The following POLH variants were observed in gnomAD, a reference collection of about 807,000 sequenced individuals.
The protein encoded by POLH is DNA polymerase eta transcript.
In POLH, 53 loss-of-function variants were observed where a neutral mutation model predicts 73.6. The ratio of observed to expected loss-of-function variants is 0.72; its 90% CI spans 0.58 to 0.91. POLH has a LOEUF of 0.91. Among genes scored for constraint, POLH ranks in the 40% least tolerant of loss-of-function variants. POLH has a pLI of 0.00. For missense variants in POLH, 768 were observed against 865.4 expected, an observed-to-expected ratio of 0.89 and a Z score of 1.41; for synonymous variants, 292 against 308.5, an observed-to-expected ratio of 0.95 and a Z score of 0.56.
intron 1 of POLH, among the ~76,000 whole-genome samples, chr6:43,579,384 C>T (rs553448098): frequency 6.6e-6 from 1 of 152,310 alleles, no homozygotes; most frequent in African/African-American, 2.4e-5. Flanking sequence ...AGTCACATTT[C>T]TACACGGATG....
At chr6:43,596,451 C>G (rs976714749) in intron 4 of POLH, among the ~76,000 whole-genome samples, 1 of 152,216 alleles carries the variant, frequency 6.6e-6, no homozygotes, top group Non-Finnish European at 1.5e-5. Context: ...CCACTGCACT[C>G]CAGCCTGGGT....
intron 1 of POLH, among the ~76,000 whole-genome samples, chr6:43,577,749 T>C (rs1210063756): frequency 6.6e-6 from 1 of 152,218 alleles, no homozygotes; most frequent in Non-Finnish European, 1.5e-5. Context: ...ATTTAGGTCT[T>C]GGCTCCCAAA....
chr6:43,610,356 T>TGCCTG (rs1767769024), intron 9 of POLH, among the ~76,000 whole-genome samples, 198 bp from the exon 10 acceptor site: 1 of 152,132 alleles, frequency 6.6e-6, no homozygotes, highest in South Asian at 2.1e-4. Flanking sequence ...TGAGCCACCA[T>TGCCTG]GCCTGGCCTC....
chr6:43,604,458 G>T (rs1767056518), intron 7 of POLH, among the ~76,000 whole-genome samples, 157 bp from the exon 8 acceptor site: 1 of 152,208 alleles, frequency 6.6e-6, no homozygotes, highest in Non-Finnish European at 1.5e-5. Flanking sequence ...ACTGAGAAGG[G>T]CAGGGGTTTC....
chr6:43,606,709 A>T (rs1183986505), intron 9 of POLH, among the ~76,000 whole-genome samples: 1 of 152,094 alleles, frequency 6.6e-6, no homozygotes, highest in Non-Finnish European at 1.5e-5. Flanking sequence ...GATTACAGGC[A>T]TGAGCCACCG....
intron 3 of POLH, 51 bp downstream of exon 3, chr6:43,583,192 T>C: frequency 6.5e-7 from 1 of 1,533,258 alleles, no homozygotes; most frequent in Non-Finnish European, 9.0e-7. Flanking sequence ...AAAATAATAC[T>C]CCATGAGGCT....
chr6:43,581,680 G>A (rs1280983057), intron 1 of POLH, among the ~76,000 whole-genome samples: 2 of 144,278 alleles, frequency 1.4e-5, no homozygotes, highest in Non-Finnish European at 1.5e-5. Flanking sequence ...GCGGTCGGGC[G>A]GCGGCGGCTG....
At chr6:43,577,611 G>GT (rs902349821) in intron 1 of POLH, among the ~76,000 whole-genome samples, 24 of 147,340 alleles carry the variant, frequency 1.6e-4, no homozygotes, top group South Asian at 2.2e-4. Context: ...GTTGTAAGAC[G>GT]TTTTTTTTTT....
chr6:43,582,408 G>A lies in POLH; in HGVS notation c.89G>A (p.Arg30Lys). 1.2e-6 allele frequency: 2 copies of A among 1,614,012 alleles called. No individual in the cohort carries two copies. Among genetic ancestry groups the A allele is most frequent in the Non-Finnish European group, 1.7e-6 (2 of 1,179,886 alleles). ...QVEQRQNPHL[R>K]NKPCAVVQYK... Reference sequence around the variant, plus strand: ...GAGCAGCGGCAAAATCCTCATTTGAGGAATAAACCTTGTGCAGTTGTACAG... The same window carrying A: ...GAGCAGCGGCAAAATCCTCATTTGAAGAATAAACCTTGTGCAGTTGTACAG... The change falls in exon 2 of 11, where the codon AGG (arginine) becomes AAG (lysine). Residue 30 changes from arginine to lysine, a missense_variant. Physicochemically the swap from Arg to Lys is conservative, Grantham distance 26. Transcript: ENST00000372236.
Position 43,620,083 on chromosome 6 carries a change from G to A in POLH, c.*5526G>A, listed in dbSNP as rs1768609037. ...CCCTCATTGTTCCAAGAGTAATTTA[G>A]GCTATGTAAACTTGAAAAATATGGG... On this transcript the variant is annotated 3_prime_UTR_variant, in exon 11 of 11. Coordinates refer to ENST00000372236, the MANE Select transcript of POLH (RefSeq NM_006502.3). 9.2e-6 allele frequency: 3 copies of A among 326,434 alleles called. No individual in the cohort carries two copies. The highest frequency in any genetic ancestry group is 7.1e-5 in the South Asian group (3 of 42,226). The allele number at this position is 326,434 out of a possible 1,614,324, so 20.2% of individuals were successfully genotyped here. A position where few individuals can be genotyped will look rare whatever the true frequency, so the allele number is the denominator to read the frequency against.
In POLH at chr6:43,614,119, AAC is replaced by A; in HGVS notation, c.1706_1707del (p.Thr569ArgfsTer10). On this transcript the variant is annotated frameshift_variant, in exon 11 of 11. Transcript: ENST00000372236. LOFTEE classifies it high-confidence loss of function. The stretch of plus-strand genomic sequence containing the variant: ...GTAAAGCATTACCAAACTCTTTACC[AAC>A]AGAGTATCCAGGGTGTGTCCCTGTT... ...NCKALPNSLP[T>X]EYPGCVPVCE... The A allele has an allele frequency of 3.7e-6, 6 of 1,614,212 alleles. No homozygotes were observed. The highest frequency in any genetic ancestry group is 4.2e-6 in the Non-Finnish European group (5 of 1,179,998).
At position 43,616,541 on chromosome 6, in the gene POLH, A is replaced by G. The variant is rs886061455; in HGVS notation, c.*1984A>G. On this transcript the variant is annotated 3_prime_UTR_variant, in exon 11 of 11. Coordinates refer to ENST00000372236, the MANE Select transcript of POLH (RefSeq NM_006502.3). ...AAGGTGGAGGTTGCAGTGAGTTGAG[A>G]TCACACCAATGCACTCCAGCCAGGG... 6.6e-6 allele frequency among the ~76,000 whole-genome samples: 1 copy of G among 151,016 alleles called. No homozygotes were observed. The highest frequency in any genetic ancestry group is 1.5e-5 in the Non-Finnish European group (1 of 67,868).
At chr6:43,597,608 C>T (rs1174354563) in intron 4 of POLH, 88 bp from the exon 5 acceptor site, 1 of 1,247,930 alleles carries the variant, frequency 8.0e-7, no homozygotes, top group Non-Finnish European at 1.2e-6. Flanking sequence ...TGTCTAAATA[C>T]CTGTAATCTA....
intron 10 of POLH, among the ~76,000 whole-genome samples, chr6:43,611,475 T>C (rs1029553768): frequency 2.6e-5 from 4 of 152,232 alleles, no homozygotes; most frequent in Non-Finnish European, 5.9e-5. Flanking sequence ...TCATGAAATA[T>C]AAGCCTCTTT....
In POLH at chr6:43,617,405, C is replaced by T. The variant is rs1326257520; in HGVS notation, c.*2848C>T. Reference sequence around the variant, plus strand: ...CTTTGGGAGGCCAAGGTGGGCGGATCACTTGAGGCTGGGAGTTTGAGACCA... The same window carrying T: ...CTTTGGGAGGCCAAGGTGGGCGGATTACTTGAGGCTGGGAGTTTGAGACCA... On this transcript the variant is annotated 3_prime_UTR_variant, in exon 11 of 11. Coordinates refer to ENST00000372236, the MANE Select transcript of POLH (RefSeq NM_006502.3). Among the ~76,000 whole-genome samples, 1 of 151,842 alleles carries T rather than the reference C, an allele frequency of 6.6e-6. No individual in the cohort carries two copies. Among genetic ancestry groups the T allele is most frequent in the Non-Finnish European group, 1.5e-5 (1 of 67,992 alleles).
chr6:43,576,427 T>TA lies in POLH; in HGVS notation c.-18_-17insA, dbSNP rs1219110500. ...AACCGCTGCTGGCAGTTTTGCCAGG[T>TA]GTTTGTTACCTTGGTAAGAAAATTT... On this transcript the variant is annotated 5_prime_UTR_variant, in exon 1 of 11. Coordinates refer to ENST00000372236, the MANE Select transcript of POLH (RefSeq NM_006502.3). 1.3e-5 allele frequency: 2 copies of TA among 152,228 alleles called. No homozygotes were observed. Among genetic ancestry groups the TA allele is most frequent in the African/African-American group, 4.8e-5 (2 of 41,450 alleles). 9.4% of individuals were successfully genotyped at this position (152,228 alleles called of 1,614,324 possible).
At chr6:43,598,069 G>C (rs997764252) in intron 5 of POLH, among the ~76,000 whole-genome samples, 4 of 151,882 alleles carry the variant, frequency 2.6e-5, no homozygotes, top group Non-Finnish European at 5.9e-5. Context: ...GCCAGGCGTG[G>C]TGGTGTACAC....
At chr6:43,581,057 T>C (rs1278275581) in intron 1 of POLH, among the ~76,000 whole-genome samples, 1 of 123,750 alleles carries the variant, frequency 8.1e-6, no homozygotes, top group Non-Finnish European at 1.7e-5. Context: ...ACTTCCCAGA[T>C]GGGGTGGCTG....
chr6:43,585,399 A>T (rs1357391359), intron 3 of POLH, among the ~76,000 whole-genome samples: 1 of 151,988 alleles, frequency 6.6e-6, no homozygotes, highest in South Asian at 2.1e-4. Context: ...CCCTCCCCAG[A>T]AGTTGAGGGG....
Sources: gnomAD v4.1 joint callset for allele counts (sites outside exome capture counted in the v4.1 genomes callset) on GRCh38, gnomAD v4.1.1 for gene constraint, MANE v1.5 for transcripts, NCBI Gene and HGNC (gene_info 2026-07-23, HGNC 2026-07-21) for gene names.